Variants in PSIP1 observed in about 807,000 individuals in gnomAD.
The protein encoded by PSIP1 is PC4 and SFRS1-interacting protein.
PSIP1 carries 19 observed loss-of-function variants against 74.7 expected under a neutral mutation model. The observed-to-expected ratio is 0.25, with a 90% CI of 0.18 to 0.37. The LOEUF (loss-of-function observed/expected upper bound fraction) is 0.37. Ranked by LOEUF, PSIP1 falls within the 10% of genes least tolerant of loss-of-function variation. The pLI is 1.00. For synonymous variants in PSIP1, 222 were observed against 195.3 expected (o/e 1.14, Z -1.14); for missense variants, 601 against 614.3 (o/e 0.98, Z 0.23).
intron 3 of PSIP1, among the ~76,000 whole-genome samples, chr9:15,494,675 A>C (rs1586840443): frequency 6.6e-6 from 1 of 151,794 alleles, no homozygotes; most frequent in East Asian, 1.9e-4. Flanking sequence ...CATTGTATCC[A>C]TGTATTTTAA....
intron 8 of PSIP1, 61 bp from the exon 9 acceptor site, chr9:15,474,298 C>A: frequency 1.4e-6 from 2 of 1,379,892 alleles, no homozygotes; most frequent in South Asian, 1.4e-5. Context: ...TTTTAGATAT[C>A]AGTAAGCTAT....
At position 15,486,876 on chromosome 9, in the gene PSIP1, G is replaced by C. The variant is rs150955334; in HGVS notation, c.344C>G (p.Thr115Ser). 753 of 1,612,280 alleles carry C rather than the reference G, an allele frequency of 4.7e-4. No individual in the cohort carries two copies. The highest frequency in any genetic ancestry group is 6.2e-4 in the Non-Finnish European group (737 of 1,179,250). Reference protein sequence around the residue: ...SSDVEVEEKETSVSKEDTDHE... With the variant: ...SSDVEVEEKESSVSKEDTDHE... Reference sequence around the variant, plus strand: ...GTCGGTATCTTCCTTTGAAACACTAGTTTCCTTTTCTTCAACTTCAACATC... The same window carrying C: ...GTCGGTATCTTCCTTTGAAACACTACTTTCCTTTTCTTCAACTTCAACATC... Residue 115 changes from threonine (T) to serine (S), a missense_variant, in exon 5 of 16, where the codon ACT (threonine) becomes AGT (serine). By Grantham distance (58) the Thr-to-Ser change is moderately conservative (BLOSUM62 1). Coordinates refer to ENST00000380733, the MANE Select transcript of PSIP1 (RefSeq NM_033222.5).
At position 15,464,075 on chromosome 9, in the gene PSIP1, A is replaced by T. The variant is rs2035441745; in HGVS notation, c.*1445T>A. 1 of 177,810 alleles carries T rather than the reference A, an allele frequency of 5.6e-6. No individual in the cohort carries two copies. The highest frequency in any genetic ancestry group is 6.3e-5 in the Admixed American group (1 of 15,828). 11.0% of individuals were successfully genotyped at this position (177,810 alleles called of 1,614,324 possible). A position where few individuals can be genotyped will look rare whatever the true frequency, so the allele number is the denominator to read the frequency against. ...TAATTTACTAGCAGAGTTTGATAGAAAAATTCTTTAATGAAAACAAGTTTA... is the reference window on the plus strand; with the variant it reads ...TAATTTACTAGCAGAGTTTGATAGATAAATTCTTTAATGAAAACAAGTTTA... On this transcript the variant is annotated 3_prime_UTR_variant, in exon 16 of 16. Transcript: ENST00000380733.
chr9:15,503,358 T>G (rs1013863041), intron 3 of PSIP1, among the ~76,000 whole-genome samples: 9 of 148,258 alleles, frequency 6.1e-5, no homozygotes, highest in Admixed American at 2.7e-4. Flanking sequence ...CAGAGGAGAC[T>G]CCATCACAAA....
At chr9:15,488,118 CAGG>C (rs2036635308) in intron 4 of PSIP1, among the ~76,000 whole-genome samples, 2 of 152,096 alleles carry the variant, frequency 1.3e-5, no homozygotes, top group South Asian at 4.2e-4. Flanking sequence ...ATCACGAGGT[CAGG>C]AGTTCAAGAC....
At chr9:15,493,344 C>T (rs2036922102) in intron 3 of PSIP1, among the ~76,000 whole-genome samples, 1 of 152,204 alleles carries the variant, frequency 6.6e-6, no homozygotes, top group Non-Finnish European at 1.5e-5. Context: ...CCACCTCAGC[C>T]TGGAGTTCAT....
chr9:15,497,518 G>A (rs1204020288), intron 3 of PSIP1, among the ~76,000 whole-genome samples: 2 of 151,796 alleles, frequency 1.3e-5, no homozygotes, highest in Non-Finnish European at 2.9e-5. Flanking sequence ...GTAGAGATGG[G>A]GTTTCACCAT....
intron 4 of PSIP1, among the ~76,000 whole-genome samples, chr9:15,488,952 C>T (rs371282911): frequency 3.9e-5 from 6 of 152,216 alleles, no homozygotes; most frequent in African/African-American, 1.4e-4. Flanking sequence ...ACCCGGGAGG[C>T]GGAGCTTACA....
intron 4 of PSIP1, among the ~76,000 whole-genome samples, chr9:15,489,086 T>C (rs1444831960): frequency 6.6e-6 from 1 of 152,126 alleles, no homozygotes; most frequent in African/African-American, 2.4e-5. Context: ...GAACCAGTGT[T>C]TTCTGTAGGA....
chr9:15,498,635 T>C (rs540755201), intron 3 of PSIP1, among the ~76,000 whole-genome samples: 3 of 152,298 alleles, frequency 2.0e-5, no homozygotes, highest in African/African-American at 7.2e-5. Flanking sequence ...TTCTGATTCA[T>C]TCTTCAAGGC....
intron 3 of PSIP1, among the ~76,000 whole-genome samples, chr9:15,497,996 C>T (rs551869813): frequency 6.6e-6 from 1 of 152,152 alleles, no homozygotes; most frequent in African/African-American, 2.4e-5. Context: ...CACTATTTCA[C>T]TGAATAGCTA....
At chr9:15,473,475 T>A (rs2035930826) in intron 9 of PSIP1, among the ~76,000 whole-genome samples, 1 of 152,166 alleles carries the variant, frequency 6.6e-6, no homozygotes, top group Non-Finnish European at 1.5e-5. Context: ...GAACAGATAA[T>A]AAAGGGACGT....
At chr9:15,493,388 C>T (rs562933351) in intron 3 of PSIP1, among the ~76,000 whole-genome samples, 10 of 152,188 alleles carry the variant, frequency 6.6e-5, no homozygotes, top group Non-Finnish European at 1.3e-4. Flanking sequence ...GGGTCAAAGC[C>T]ATTCAACAAG....
chr9:15,493,291 T>C (rs1484300558), intron 3 of PSIP1, among the ~76,000 whole-genome samples: 1 of 152,138 alleles, frequency 6.6e-6, no homozygotes, highest in Non-Finnish European at 1.5e-5. Flanking sequence ...GCAAGAGTGA[T>C]CTTTACTCCA....
intron 8 of PSIP1, among the ~76,000 whole-genome samples, chr9:15,477,541 T>C (rs1354713507): frequency 6.6e-6 from 1 of 152,156 alleles, no homozygotes; most frequent in Non-Finnish European, 1.5e-5. Flanking sequence ...TGTAAATCTA[T>C]GCTTAATAGA....
chr9:15,491,837 G>A (rs993236002), intron 3 of PSIP1: 3 of 152,794 alleles, frequency 2.0e-5, no homozygotes, highest in Non-Finnish European at 4.4e-5. Context: ...CATGGCAGAA[G>A]GCACCTCTTC....
intron 10 of PSIP1, 95 bp downstream of exon 10, chr9:15,472,537 G>C (rs772563637): frequency 4.1e-5 from 61 of 1,482,706 alleles, no homozygotes; most frequent in Non-Finnish European, 5.2e-5. Flanking sequence ...TCTTCAAAAG[G>C]CTTCATAAAG....
intron 3 of PSIP1, among the ~76,000 whole-genome samples, chr9:15,501,845 A>ATATATATATATATATATATG (rs2037360294): frequency 7.4e-6 from 1 of 134,902 alleles, no homozygotes; most frequent in Non-Finnish European, 1.5e-5. Flanking sequence ...AACAGCATAT[A>ATATATATATATATATATATG]TATATATATA....
intron 3 of PSIP1, among the ~76,000 whole-genome samples, chr9:15,490,968 A>G (rs1205688361): frequency 6.6e-6 from 1 of 152,226 alleles, no homozygotes; most frequent in Admixed American, 6.5e-5. Context: ...GTAATGTTCT[A>G]TAAAGTCACT....
Sources: gnomAD v4.1 joint callset for allele counts (sites outside exome capture counted in the v4.1 genomes callset) on GRCh38, gnomAD v4.1.1 for gene constraint, MANE v1.5 for transcripts, NCBI Gene and HGNC (gene_info 2026-07-23, HGNC 2026-07-21) for gene names.